BRAT1: variants seen among roughly 807,000 people sequenced by gnomAD.
BRAT1 encodes the protein integrator complex assembly factor BRAT1.
Under a neutral mutation model 70.6 loss-of-function variants are expected in BRAT1, and 74 were observed. That is an observed-to-expected ratio of 1.05 (90% CI 0.87 to 1.27). BRAT1 has a LOEUF of 1.27. Among genes scored for constraint, BRAT1 ranks in the 50% most tolerant of loss-of-function variants. The probability of loss-of-function intolerance (pLI) is 0.00; values close to 1 mark genes in which losing one functional copy is unlikely to be tolerated. For synonymous variants in BRAT1, 615 were observed against 517.1 expected, an observed-to-expected ratio of 1.19 and a Z score of -2.57; for missense variants, 1,203 against 1,098.2, an observed-to-expected ratio of 1.10 and a Z score of -1.35.
intron 4 of BRAT1, 142 bp downstream of exon 4, chr7:2,544,767 A>ACAGC: frequency 7.6e-7 from 1 of 1,307,692 alleles, no homozygotes; most frequent in South Asian, 1.6e-5. Flanking sequence ...AGAACACTGG[A>ACAGC]CAGCCGTACT....
chr7:2,552,104 A>ATTTTTTTT (rs1443100867), intron 2 of BRAT1, among the ~76,000 whole-genome samples: 1 of 13,390 alleles, frequency 7.5e-5, no homozygotes, highest in Non-Finnish European at 1.4e-4. Flanking sequence ...ATATATATAT[A>ATTTTTTTT]TATTTTTTTT....
chr7:2,555,324 G>A (rs890838514), intron 1 of BRAT1, among the ~76,000 whole-genome samples, 163 bp downstream of exon 1: 1 of 152,174 alleles, frequency 6.6e-6, no homozygotes, highest in Admixed American at 6.5e-5. Context: ...GAGTCCAGAA[G>A]GGGCGCCAGA....
In BRAT1 at chr7:2,538,443, C is replaced by T. The variant is rs781355172; in HGVS notation, c.2092G>A (p.Val698Met). 24 of 1,613,110 alleles carry T rather than the reference C, an allele frequency of 1.5e-5. No individual in the cohort carries two copies. Among genetic ancestry groups the T allele is most frequent in the East Asian group, 2.2e-5 (1 of 44,882 alleles). ...CAAAAGGCGAAGTCAAAGAGCCCCA[C>T]GTGGCAGAGAGCCCTCAGTGCCTCG... Reference protein sequence around the residue: ...LTEALRALCHVGLFDFAFCAL... With the variant: ...LTEALRALCHMGLFDFAFCAL... Residue 698 changes from valine (V) to methionine (M), a missense_variant, in exon 14 of 14, where the codon GTG becomes ATG. Physicochemically the swap from Val to Met is conservative, Grantham distance 21. Transcript: ENST00000340611.
At position 2,542,143 on chromosome 7, in the gene BRAT1, G is replaced by T; in HGVS notation, c.992C>A (p.Thr331Lys). 6.4e-7 allele frequency: 1 copy of T among 1,565,694 alleles called. No homozygotes were observed. The highest frequency in any genetic ancestry group is 8.7e-7 in the Non-Finnish European group (1 of 1,155,792). ...ACCTGGGGGTCCGGGGGCCTGAACCGTGGCCTTCAGGACACAGGCCAGGGG... is the reference window on the plus strand; with the variant it reads ...ACCTGGGGGTCCGGGGGCCTGAACCTTGGCCTTCAGGACACAGGCCAGGGG... ...LQPLACVLKA[T>K]VQAPGPPGLL... The change falls in exon 7 of 14, where the codon ACG becomes AAG. Residue 331 changes from threonine to lysine, a missense_variant. Transcript: ENST00000340611.
chr7:2,541,219 T>G (rs1779129900), intron 9 of BRAT1, 79 bp downstream of exon 9: 2 of 1,446,458 alleles, frequency 1.4e-6, no homozygotes, highest in African/African-American at 2.9e-5. Flanking sequence ...GGGACAGCAG[T>G]TCCCGGGTGC....
intron 10 of BRAT1, 38 bp from the exon 11 acceptor site, chr7:2,539,926 C>A (rs767244180): frequency 2.1e-6 from 3 of 1,402,294 alleles, no homozygotes; most frequent in Admixed American, 2.7e-5. Flanking sequence ...CCACGGGAGA[C>A]GGAGGGGCAG....
In BRAT1 at chr7:2,538,311, T is replaced by G. The variant is rs975996696; in HGVS notation, c.2224A>C (p.Ser742Arg). The change falls in exon 14 of 14, where the codon AGC becomes CGC. Residue 742 changes from serine to arginine, a missense_variant. Physicochemically the swap from Ser to Arg is moderately radical, Grantham distance 110. Coordinates refer to ENST00000340611, the MANE Select transcript of BRAT1 (RefSeq NM_152743.4). ...GCCTCTGCGGAGGCAGTGTTGGGGC[T>G]GCCCCTGGCCTCCCGCAGGCTGCTG... ...SYSSLREARG[S>R]PNTASAEATL... 3.5e-5 allele frequency: 56 copies of G among 1,612,814 alleles called. 1 individual carries two copies. The highest frequency in any genetic ancestry group is 4.7e-5 in the Non-Finnish European group (55 of 1,179,892).
intron 10 of BRAT1, 130 bp from the exon 11 acceptor site, chr7:2,540,018 G>A: frequency 1.6e-6 from 1 of 632,906 alleles, no homozygotes; most frequent in Non-Finnish European, 2.6e-6. Context: ...GGAGAGAGAA[G>A]GGAACGCTGG....
chr7:2,547,524 G>A, intron 2 of BRAT1, 46 bp from the exon 3 acceptor site: 6 of 1,595,354 alleles, frequency 3.8e-6, no homozygotes, highest in Non-Finnish European at 5.1e-6. Flanking sequence ...TACGGCACCA[G>A]GTGTCCCCCT....
intron 2 of BRAT1, among the ~76,000 whole-genome samples, chr7:2,552,242 C>G (rs1357400976): frequency 6.8e-6 from 1 of 147,844 alleles, no homozygotes; most frequent in Non-Finnish European, 1.5e-5. Context: ...TTCAGCCTCC[C>G]GAGTAGCTGG....
intron 11 of BRAT1, 59 bp downstream of exon 11, chr7:2,539,727 C>T: frequency 6.4e-7 from 1 of 1,556,876 alleles, no homozygotes. Context: ...CCACCCAGCC[C>T]CTGCTGCCTC....
At position 2,543,823 on chromosome 7, in the gene BRAT1, G is replaced by A. The variant is rs745728832; in HGVS notation, c.570C>T (p.Asp190=). 11 of 1,612,864 alleles carry A rather than the reference G, an allele frequency of 6.8e-6. No individual in the cohort carries two copies. The Admixed American group carries it at 1.2e-4, about 17-fold the overall frequency. The change falls in exon 5 of 14, where the codon GAC becomes GAT. Residue 190 remains aspartate (D), a synonymous_variant. Coordinates refer to ENST00000340611, the MANE Select transcript of BRAT1 (RefSeq NM_152743.4). This position sits in a 1 kb window ranked among gnomAD's most constrained non-coding sequence, Gnocchi z 5.5. ...TGATCTTCTGGGCACACGCGGGCCA[G>A]TCACCCCCCGGCAGGCAGGGCTGCC... ...AEGQPCLPGG[D]WPACAQKIMD... is the part of the protein sequence containing the mutation.
In BRAT1 at chr7:2,541,072, A is replaced by C. The variant is rs781601479; in HGVS notation, c.1322-20T>G. 1 of 1,542,744 alleles carries C rather than the reference A, an allele frequency of 6.5e-7. No individual in the cohort carries two copies. Among genetic ancestry groups the C allele is most frequent in the Non-Finnish European group, 8.7e-7 (1 of 1,153,386 alleles). ...GGGGGCCTGAGACAGAGGTGAGTGG[A>C]TAAACCACCCCCACCCCCACCCTAG... On this transcript the variant is annotated intron_variant, in intron 9 of 13. Coordinates refer to ENST00000340611, the MANE Select transcript of BRAT1 (RefSeq NM_152743.4).
chr7:2,547,979 A>G (rs4721776), intron 2 of BRAT1, among the ~76,000 whole-genome samples: 53,684 of 151,556 alleles, frequency 0.35, 9,985 homozygotes, highest in African/African-American at 0.43. Flanking sequence ...AGCTAATTGG[A>G]AGGCTGAGGC....
rs768043920 is a variant in BRAT1 at position 2,554,468 on chromosome 7, C to G, written c.-16-21G>C. 5 of 1,601,402 alleles carry G rather than the reference C, an allele frequency of 3.1e-6. No individual in the cohort carries two copies. In the Admixed American group the frequency reaches 5.1e-5, roughly 16 times the overall value. Reference sequence around the variant, plus strand: ...AGGCCCTGCAAAGGCAATGTGAGAGCCAAACCTCAATGCCCACTCCAGACC... The same window carrying G: ...AGGCCCTGCAAAGGCAATGTGAGAGGCAAACCTCAATGCCCACTCCAGACC... On this transcript the variant is annotated intron_variant, in intron 1 of 13. Coordinates refer to ENST00000340611, the MANE Select transcript of BRAT1 (RefSeq NM_152743.4).
chr7:2,541,577 C>T, intron 8 of BRAT1, 93 bp from the exon 9 acceptor site: 1 of 1,464,140 alleles, frequency 6.8e-7, no homozygotes, highest in South Asian at 1.3e-5. Flanking sequence ...GGGCGGGGGA[C>T]ATCAGCCAAG....
rs375539310 is a variant in BRAT1, at chr7:2,542,251, C to T, written c.924-40G>A. ...GAGGTGAGTGCCGCGACCCTGGCTG[C>T]GAGACAAGTTGGCTGTGCTCCTAAT... On this transcript the variant is annotated intron_variant, in intron 6 of 13. Transcript: ENST00000340611. 1.1e-4 allele frequency: 168 copies of T among 1,503,648 alleles called. 1 individual carries two copies. Among genetic ancestry groups the T allele is most frequent in the Admixed American group, 5.9e-5 (3 of 50,842 alleles). 93.1% of individuals were successfully genotyped at this position (1,503,648 alleles called of 1,614,324 possible).
rs1361012976 is a variant in BRAT1, at chr7:2,543,309, C to A, written c.818G>T (p.Ser273Ile). The change falls in exon 6 of 14, where the codon AGT (serine) becomes ATT (isoleucine). Residue 273 changes from serine to isoleucine, a missense_variant. Transcript: ENST00000340611. The surrounding 1 kb of genome is among the most constrained non-coding windows in gnomAD (Gnocchi z 5.5). ...CTCCCACAGGCTGCCGTCGGAAGAA[C>A]TGAACACGGGAGAACTGCAGGGAGA... ...LLCVARSPVF[S>I]SSDGSLWETV... 2 of 1,606,606 alleles carry A rather than the reference C, an allele frequency of 1.2e-6. No homozygotes were observed. Among genetic ancestry groups the A allele is most frequent in the East Asian group, 2.2e-5 (1 of 44,590 alleles).
At chr7:2,541,999 G>T in intron 7 of BRAT1, 121 bp downstream of exon 7, 1 of 1,205,760 alleles carries the variant, frequency 8.3e-7, no homozygotes, top group Non-Finnish European at 1.2e-6. Context: ...TGCTCTTGGA[G>T]GGAGGCCTGG....
Sources: allele counts gnomAD v4.1 joint callset (sites outside exome capture counted in the v4.1 genomes callset), GRCh38; gene constraint gnomAD v4.1.1; non-coding constraint Gnocchi (gnomAD v3.1); transcripts MANE v1.5; gene names NCBI Gene and HGNC (gene_info 2026-07-23, HGNC 2026-07-21).